SUPT3H: variants seen among roughly 807,000 people sequenced by gnomAD.
SUPT3H encodes the protein transcription initiation protein SPT3 homolog.
SUPT3H carries 44 observed loss-of-function variants against 44.3 expected under a neutral mutation model. The observed-to-expected ratio is 0.99, with a 90% confidence interval of 0.78 to 1.28. SUPT3H has a LOEUF of 1.28. Ranked by LOEUF, SUPT3H falls within the 50% of genes most tolerant of loss-of-function variation. SUPT3H has a pLI of 0.00. For synonymous variants in SUPT3H, 124 were observed against 125.6 expected (o/e 0.99, Z 0.09); for missense variants, 380 against 387.1 (o/e 0.98, Z 0.15).
intron 2 of SUPT3H, among the ~76,000 whole-genome samples, chr6:45,239,778 A>G (rs919674068): frequency 6.6e-6 from 1 of 152,238 alleles, no homozygotes; most frequent in South Asian, 2.1e-4. Flanking sequence ...TATTAAACAC[A>G]TTACTGGCAT....
chr6:45,016,453 G>A (rs192032617), intron 4 of SUPT3H, among the ~76,000 whole-genome samples: 216 of 148,602 alleles, frequency 1.5e-3, no homozygotes, highest in African/African-American at 5.0e-3. Flanking sequence ...CCATTAACTC[G>A]TCATTTAGCA....
At chr6:45,123,667 A>G (rs919680154) in intron 2 of SUPT3H, among the ~76,000 whole-genome samples, 8 of 152,176 alleles carry the variant, frequency 5.3e-5, no homozygotes, top group Admixed American at 1.3e-4. Context: ...GGAAAAAACT[A>G]TAGGTGTAAT....
Position 44,961,743 on chromosome 6 carries a change from A to G in SUPT3H, c.580+10T>C. ...TGCATATAATTAAGCAAAGTTAAAT[A>G]GTTACTTACAGAAACTTAATTGTCG... On this transcript the variant is annotated intron_variant, in intron 7 of 10. Coordinates refer to ENST00000371459, the MANE Select transcript of SUPT3H (RefSeq NM_003599.4). 2 of 1,596,768 alleles carry G rather than the reference A, an allele frequency of 1.3e-6. No homozygotes were observed. The highest frequency in any genetic ancestry group is 1.8e-5 in the Admixed American group (1 of 56,950).
At chr6:45,061,991 C>G (rs759228416) in intron 3 of SUPT3H, among the ~76,000 whole-genome samples, 4 of 146,840 alleles carry the variant, frequency 2.7e-5, no homozygotes, top group Non-Finnish European at 4.5e-5. Flanking sequence ...CTAAAACACA[C>G]ACTATTAAAA....
At chr6:45,281,840 G>GCC (rs1188820880) in intron 2 of SUPT3H, among the ~76,000 whole-genome samples, 35 of 152,302 alleles carry the variant, frequency 2.3e-4, no homozygotes, top group Admixed American at 5.9e-4. Flanking sequence ...GCACCCCCCA[G>GCC]TAGGGGCAGA....
intron 2 of SUPT3H, among the ~76,000 whole-genome samples, chr6:45,289,042 T>C (rs1328102774): frequency 6.6e-6 from 1 of 152,128 alleles, no homozygotes; most frequent in African/African-American, 2.4e-5. Flanking sequence ...CCAGGATTAG[T>C]AACACATTTC....
At chr6:44,921,711 AAT>A (rs1768754349) in intron 10 of SUPT3H, among the ~76,000 whole-genome samples, 1 of 152,176 alleles carries the variant, frequency 6.6e-6, no homozygotes, top group Non-Finnish European at 1.5e-5. Flanking sequence ...TTAGATCAGG[AAT>A]ATAGAGTGAA....
chr6:45,285,825 C>G (rs1298095956), intron 2 of SUPT3H, among the ~76,000 whole-genome samples: 1 of 152,138 alleles, frequency 6.6e-6, no homozygotes, highest in Admixed American at 6.5e-5. Context: ...GAAGGCATCA[C>G]ACTACCTGAC....
At chr6:44,968,155 C>A (rs973772961) in intron 6 of SUPT3H, among the ~76,000 whole-genome samples, 2 of 151,966 alleles carry the variant, frequency 1.3e-5, no homozygotes, top group African/African-American at 4.8e-5. Flanking sequence ...AATGCAGAGT[C>A]CTTTTTGCAT....
intron 10 of SUPT3H, among the ~76,000 whole-genome samples, chr6:44,846,954 T>C (rs1213782840): frequency 6.6e-6 from 1 of 152,196 alleles, no homozygotes; most frequent in African/African-American, 2.4e-5. Flanking sequence ...TTTTGAAGAC[T>C]AAAACAATTT....
intron 1 of SUPT3H, among the ~76,000 whole-genome samples, chr6:45,374,314 C>T (rs12208924): frequency 0.38 from 58,501 of 152,042 alleles, 11,829 homozygotes; most frequent in Non-Finnish European, 0.45. Context: ...CAGCAGCTAA[C>T]AGTTACTGAA....
intron 2 of SUPT3H, among the ~76,000 whole-genome samples, chr6:45,257,112 C>T (rs575825854): frequency 3.1e-4 from 47 of 152,276 alleles, no homozygotes; most frequent in African/African-American, 1.0e-3. Flanking sequence ...TGCTATCTGA[C>T]TTTTTGATCC....
intron 2 of SUPT3H, among the ~76,000 whole-genome samples, chr6:45,170,329 T>C (rs1272017783): frequency 6.6e-6 from 1 of 152,220 alleles, no homozygotes; most frequent in African/African-American, 2.4e-5. Flanking sequence ...AGCAGTACTT[T>C]GTGTTTCCTC....
chr6:45,008,431 T>G (rs892988490), intron 5 of SUPT3H, among the ~76,000 whole-genome samples: 1 of 152,168 alleles, frequency 6.6e-6, no homozygotes, highest in African/African-American at 2.4e-5. Context: ...CACAGCATAC[T>G]GCAGCCTCTA....
At chr6:45,032,420 A>C (rs1327296456) in intron 3 of SUPT3H, among the ~76,000 whole-genome samples, 2 of 152,116 alleles carry the variant, frequency 1.3e-5, no homozygotes, top group Non-Finnish European at 2.9e-5. Flanking sequence ...ACTATAAAAC[A>C]CTATACCTGC....
intron 6 of SUPT3H, among the ~76,000 whole-genome samples, chr6:44,998,263 A>G (rs1434267815): frequency 6.6e-6 from 1 of 151,906 alleles, no homozygotes; most frequent in Middle Eastern, 3.2e-3. Flanking sequence ...ACTTCTGAGC[A>G]TACAACTGTT....
At chr6:45,040,268 G>T (rs1788328121) in intron 3 of SUPT3H, among the ~76,000 whole-genome samples, 1 of 152,162 alleles carries the variant, frequency 6.6e-6, no homozygotes, top group Non-Finnish European at 1.5e-5. Context: ...CCATGGGGCT[G>T]TAGTTTGCTG....
At chr6:44,904,269 C>T (rs1290475392) in intron 10 of SUPT3H, among the ~76,000 whole-genome samples, 1 of 152,082 alleles carries the variant, frequency 6.6e-6, no homozygotes, top group Non-Finnish European at 1.5e-5. Context: ...TCTAGAAAAC[C>T]CCATTGTCTC....
At chr6:44,899,602 G>A (rs972573477) in intron 10 of SUPT3H, among the ~76,000 whole-genome samples, 11 of 152,172 alleles carry the variant, frequency 7.2e-5, no homozygotes, top group African/African-American at 1.4e-4. Context: ...CAGGAGAATC[G>A]TTTGAACCCG....
Sources: allele counts gnomAD v4.1 joint callset (sites outside exome capture counted in the v4.1 genomes callset), GRCh38; gene constraint gnomAD v4.1.1; transcripts MANE v1.5; gene names NCBI Gene and HGNC (gene_info 2026-07-23, HGNC 2026-07-21).